GSE1: variants seen among roughly 807,000 people sequenced by gnomAD.
GSE1 encodes the protein Gse1 coiled-coil protein, also known as genetic suppressor element 1.
A neutral mutation model predicts 112.6 loss-of-function variants in GSE1; 32 were observed. The ratio of observed to expected loss-of-function variants is 0.28; its 90% CI spans 0.21 to 0.38. The LOEUF (loss-of-function observed/expected upper bound fraction) is 0.38, where lower values mean the gene tolerates loss of function less well. Among genes scored for constraint, GSE1 ranks in the 10% least tolerant of loss-of-function variants. The pLI is 1.00. For missense variants in GSE1, 2,348 were observed against 1,699.2 expected, an observed-to-expected ratio of 1.38 and a Z score of -6.71; for synonymous variants, 1,115 against 735.6, an observed-to-expected ratio of 1.52 and a Z score of -8.35.
rs536906672 is a variant in GSE1 at position 85,310,303 on chromosome 16, A to G, written c.2284-47160A>G. Among the ~76,000 whole-genome samples the G allele has an allele frequency of 1.5e-3, 226 of 152,324 alleles. 1 individual carries two copies. Among genetic ancestry groups the G allele is most frequent in the Admixed American group, 1.5e-3 (23 of 15,304 alleles). ...GGAAATGGGAACAGTCGCTGTGGCC[A>G]CTGCATGGGATGTTTGTGAGGTTCA... On this transcript the variant is annotated intron_variant, in intron 1 of 2. Transcript: ENST00000637419.
At chr16:85,554,069 T>C (rs1480002461), upstream of GSE1, among the ~76,000 whole-genome samples, 1 of 151,718 alleles carries the variant, frequency 6.6e-6, no homozygotes, top group Non-Finnish European at 1.5e-5. Flanking sequence ...TGATTCCGGC[T>C]GGTTGTGCCA....
At chr16:85,312,881 C>G (rs2045892798) in intron 1 of GSE1, among the ~76,000 whole-genome samples, 1 of 152,126 alleles carries the variant, frequency 6.6e-6, no homozygotes, top group African/African-American at 2.4e-5. Flanking sequence ...ACTGTCCAAC[C>G]CTGTCTAGGC....
At chr16:85,660,347 T>C (rs150213427) in intron 8 of GSE1, among the ~76,000 whole-genome samples, 1 of 152,058 alleles carries the variant, frequency 6.6e-6, no homozygotes, top group Non-Finnish European at 1.5e-5. Flanking sequence ...CTGCCGCAGG[T>C]GTTGGAGGGC....
chr16:85,383,382 A>G (rs1232958495), intron 2 of GSE1, among the ~76,000 whole-genome samples: 1 of 151,692 alleles, frequency 6.6e-6, no homozygotes, highest in Non-Finnish European at 1.5e-5. Flanking sequence ...CACACAGCAC[A>G]CATACACTCA....
intron 2 of GSE1, among the ~76,000 whole-genome samples, chr16:85,391,896 C>T (rs1337872994): frequency 6.6e-6 from 1 of 152,166 alleles, no homozygotes. Context: ...CCGGGCTGCC[C>T]TGACTCATGC....
chr16:85,391,081 G>T (rs2047828626), intron 2 of GSE1, among the ~76,000 whole-genome samples: 1 of 152,060 alleles, frequency 6.6e-6, no homozygotes, highest in Non-Finnish European at 1.5e-5. Flanking sequence ...TCAGCTCCCA[G>T]GCACCGCCCC....
At chr16:85,349,748 C>A (rs558339041) in intron 1 of GSE1, among the ~76,000 whole-genome samples, 1 of 152,302 alleles carries the variant, frequency 6.6e-6, no homozygotes, top group African/African-American at 2.4e-5. Flanking sequence ...CGTCTCTTCC[C>A]CCTCCTGCGG....
chr16:85,490,820 C>T (rs1471145231), intron 2 of GSE1: 1 of 152,214 alleles, frequency 6.6e-6, no homozygotes, highest in Non-Finnish European at 1.5e-5. Flanking sequence ...AAATAAAAAG[C>T]CTTTAATCAC....
intron 2 of GSE1, among the ~76,000 whole-genome samples, chr16:85,507,944 C>A (rs766720427): frequency 1.3e-5 from 2 of 152,134 alleles, no homozygotes; most frequent in Admixed American, 1.3e-4. Flanking sequence ...ATGTAATGGG[C>A]CCCTGCATGA....
At chr16:85,649,457 A>T (rs1009184569) in intron 3 of GSE1, among the ~76,000 whole-genome samples, 2 of 152,204 alleles carry the variant, frequency 1.3e-5, no homozygotes, top group Admixed American at 6.5e-5. Context: ...TTTCTGTCTT[A>T]CTTTTGGGGC....
At chr16:85,574,706 G>A (rs1349803432) in intron 1 of GSE1, among the ~76,000 whole-genome samples, 1 of 152,104 alleles carries the variant, frequency 6.6e-6, no homozygotes, top group Non-Finnish European at 1.5e-5. Context: ...TTTTTCCTTC[G>A]GAAAACACTG....
At chr16:85,503,856 A>AT (rs1276170916) in intron 2 of GSE1, among the ~76,000 whole-genome samples, 1 of 152,208 alleles carries the variant, frequency 6.6e-6, no homozygotes, top group Non-Finnish European at 1.5e-5. Context: ...CTGCAGGTAA[A>AT]TAACATATTA....
At chr16:85,531,671 T>A (rs1473559676) in intron 2 of GSE1, among the ~76,000 whole-genome samples, 2 of 152,200 alleles carry the variant, frequency 1.3e-5, no homozygotes, top group African/African-American at 4.8e-5. Context: ...GTCTTTTGTG[T>A]GAAGTTGTGT....
At chr16:85,227,168 A>G (rs2075503871) in intron 1 of GSE1, among the ~76,000 whole-genome samples, 1 of 152,048 alleles carries the variant, frequency 6.6e-6, no homozygotes, top group Non-Finnish European at 1.5e-5. Flanking sequence ...TATCCATCCA[A>G]TAGGCAGTGG....
chr16:85,234,605 A>T (rs549158172), intron 1 of GSE1, among the ~76,000 whole-genome samples: 1 of 152,204 alleles, frequency 6.6e-6, no homozygotes, highest in Non-Finnish European at 1.5e-5. Flanking sequence ...ATTTACAGAC[A>T]GGAAAACCAA....
intron 2 of GSE1, among the ~76,000 whole-genome samples, chr16:85,514,853 G>T (rs886767167): frequency 6.6e-6 from 1 of 152,180 alleles, no homozygotes. Context: ...TGCAGGCCAC[G>T]CTGATGAGTC....
At chr16:85,190,425 T>C (rs1050569349) in intron 1 of GSE1, among the ~76,000 whole-genome samples, 1 of 152,254 alleles carries the variant, frequency 6.6e-6, no homozygotes, top group East Asian at 1.9e-4. Flanking sequence ...GTATCCACCA[T>C]TTAAAGTATT....
intron 2 of GSE1, among the ~76,000 whole-genome samples, chr16:85,429,863 T>A (rs1377931694): frequency 6.6e-6 from 1 of 152,254 alleles, no homozygotes; most frequent in Non-Finnish European, 1.5e-5. Flanking sequence ...GCGAGCTTAC[T>A]CATGGATGTG....
At chr16:85,417,831 G>C (rs1027790520) in intron 2 of GSE1, among the ~76,000 whole-genome samples, 1 of 152,226 alleles carries the variant, frequency 6.6e-6, no homozygotes, top group Non-Finnish European at 1.5e-5. Context: ...AGGGCTGAAG[G>C]CTGCATTTCT....
Sources: allele counts gnomAD v4.1 joint callset (sites outside exome capture counted in the v4.1 genomes callset), GRCh38; gene constraint gnomAD v4.1.1; transcripts MANE v1.5; gene names NCBI Gene and HGNC (gene_info 2026-07-23, HGNC 2026-07-21).